The following SPTSSB variants were observed in gnomAD, a reference collection of about 807,000 sequenced individuals.
SPTSSB encodes serine palmitoyltransferase small subunit B.
A neutral mutation model predicts 7.7 loss-of-function variants in SPTSSB; 6 were observed. That is an observed-to-expected ratio of 0.78 (90% confidence interval 0.43 to 1.54). The LOEUF (loss-of-function observed/expected upper bound fraction) is 1.54. SPTSSB is among the 40% of genes most tolerant of loss of function. The pLI is 0.01. For missense variants in SPTSSB, 91 were observed against 93.0 expected (o/e 0.98, Z 0.09); for synonymous variants, 28 against 29.7 (o/e 0.94, Z 0.19).
At position 161,358,726 on chromosome 3, in the gene SPTSSB, G is replaced by T. The variant is rs114377713; in HGVS notation, c.-33+1076C>A. 7.0e-3 allele frequency among the ~76,000 whole-genome samples: 1,071 copies of T among 152,264 alleles called. 8 individuals carry two copies. Among genetic ancestry groups the T allele is most frequent in the African/African-American group, 0.025 (1,021 of 41,540 alleles). ...TTCAGAATGTTTATTCAATTTTGGT[G>T]TGGCTGTCATAAAGCAGACAAACAG... On this transcript the variant is annotated intron_variant, in intron 2 of 2. Transcript: ENST00000620149.
chr3:161,347,300 T>C (rs1714293262), intron 2 of SPTSSB, among the ~76,000 whole-genome samples: 1 of 152,116 alleles, frequency 6.6e-6, no homozygotes, highest in South Asian at 2.1e-4. Context: ...CTCTGCTGCT[T>C]AGGCTAGAAT....
intron 2 of SPTSSB, among the ~76,000 whole-genome samples, chr3:161,356,321 C>T (rs1714767744): frequency 2.0e-5 from 3 of 152,168 alleles, no homozygotes; most frequent in African/African-American, 7.2e-5. Flanking sequence ...AGCTAGAAGC[C>T]TGACCATGAA....
intron 1 of SPTSSB, among the ~76,000 whole-genome samples, chr3:161,369,336 C>CTTTT (rs1169193489): frequency 1.9e-5 from 1 of 53,638 alleles, no homozygotes; most frequent in Non-Finnish European, 3.6e-5. Context: ...TTCTTTCTTT[C>CTTTT]TTTCTTTCTT....
intron 2 of SPTSSB, among the ~76,000 whole-genome samples, chr3:161,358,904 A>G (rs1714894814): frequency 6.6e-6 from 1 of 152,256 alleles, no homozygotes. Context: ...ATATTTTGAA[A>G]TGAAGAAATT....
chr3:161,350,127 A>G (rs943736852), intron 2 of SPTSSB, among the ~76,000 whole-genome samples: 2 of 152,184 alleles, frequency 1.3e-5, no homozygotes, highest in African/African-American at 2.4e-5. Context: ...AGCTTGCAAG[A>G]AAAGTATTGG....
intron 1 of SPTSSB, among the ~76,000 whole-genome samples, chr3:161,366,642 A>C (rs2108168971): frequency 6.6e-6 from 1 of 152,200 alleles, no homozygotes; most frequent in African/African-American, 2.4e-5. Context: ...GTTTCTTCAG[A>C]GCCCTTATCT....
At chr3:161,365,925 G>A (rs2108168422) in intron 1 of SPTSSB, among the ~76,000 whole-genome samples, 1 of 152,254 alleles carries the variant, frequency 6.6e-6, no homozygotes, top group South Asian at 2.1e-4. Flanking sequence ...TGGTAAAGTG[G>A]AGACTGGTTG....
chr3:161,358,129 C>G (rs1714858316), intron 2 of SPTSSB, among the ~76,000 whole-genome samples: 1 of 148,970 alleles, frequency 6.7e-6, no homozygotes, highest in Admixed American at 6.8e-5. Context: ...ATCCTCCTCA[C>G]TTCAGCTTCC....
chr3:161,348,344 T>C (rs1051838267), intron 2 of SPTSSB, among the ~76,000 whole-genome samples: 3 of 152,170 alleles, frequency 2.0e-5, no homozygotes, highest in Admixed American at 6.5e-5. Flanking sequence ...TTCCCGGCTA[T>C]TGCTTTCTCT....
Position 161,369,300 on chromosome 3 carries a change from T to TTCTTTCTTTC in SPTSSB, c.-126+2125_-126+2134dup, listed in dbSNP as rs1373827272. ...TTCTTTCTTTCTTTTCTTTCTTTCTTTCTTTCTTTCTTTCTCTTTCTTTCT... is the reference window on the plus strand; with the variant it reads ...TTCTTTCTTTCTTTTCTTTCTTTCTTTCTTTCTTTCTCTTTCTTTCTTTCTCTTTCTTTCT... On this transcript the variant is annotated intron_variant, in intron 1 of 2. Coordinates refer to ENST00000620149, the MANE Select transcript of SPTSSB (RefSeq NM_001040100.2). Among the ~76,000 whole-genome samples, 165 of 64,736 alleles carry TTCTTTCTTTC rather than the reference T, an allele frequency of 2.5e-3. 1 individual carries two copies. The highest frequency in any genetic ancestry group is 0.013 in the African/African-American group (155 of 11,730). 42.5% of individuals were successfully genotyped at this position (64,736 alleles called of 152,430 possible).
intron 2 of SPTSSB, among the ~76,000 whole-genome samples, chr3:161,354,897 A>G (rs1020334842): frequency 2.0e-5 from 3 of 152,250 alleles, no homozygotes; most frequent in Non-Finnish European, 2.9e-5. Context: ...TCATGATAAT[A>G]TAGAAAATAC....
intron 1 of SPTSSB, among the ~76,000 whole-genome samples, chr3:161,365,913 T>C (rs1421375592): frequency 2.0e-5 from 3 of 152,294 alleles, no homozygotes; most frequent in Non-Finnish European, 4.4e-5. Flanking sequence ...TCTGGGACAA[T>C]CTGGTAAAGT....
At chr3:161,359,008 T>G (rs1714899156) in intron 2 of SPTSSB, among the ~76,000 whole-genome samples, 1 of 152,162 alleles carries the variant, frequency 6.6e-6, no homozygotes, top group Non-Finnish European at 1.5e-5. Flanking sequence ...AATCTATTTG[T>G]TTTTGTCCAC....
At chr3:161,360,355 T>A (rs2108164376) in intron 1 of SPTSSB, among the ~76,000 whole-genome samples, 1 of 152,318 alleles carries the variant, frequency 6.6e-6, no homozygotes, top group Non-Finnish European at 1.5e-5. Context: ...CTATAAAAAA[T>A]TTGTCTTTAA....
intron 1 of SPTSSB, among the ~76,000 whole-genome samples, chr3:161,362,277 A>T (rs891456261): frequency 9.2e-5 from 14 of 152,140 alleles, no homozygotes; most frequent in African/African-American, 3.4e-4. Context: ...TTAGAAAAAG[A>T]TCAAACACAT....
intron 2 of SPTSSB, among the ~76,000 whole-genome samples, chr3:161,349,914 C>T (rs1714444589): frequency 1.3e-5 from 2 of 151,988 alleles, no homozygotes; most frequent in Admixed American, 6.6e-5. Context: ...GATTTGTGTG[C>T]GGTGGAGAAG....
intron 2 of SPTSSB, among the ~76,000 whole-genome samples, chr3:161,354,508 AT>A (rs569883282): frequency 0.016 from 2,507 of 152,248 alleles, 33 homozygotes; most frequent in Non-Finnish European, 0.022. Flanking sequence ...TGCCCAGCTA[AT>A]TTTTAAAAAA....
In SPTSSB at chr3:161,371,492, C is replaced by A. The variant is rs1235569156; in HGVS notation, c.-183G>T. The A allele has an allele frequency of 1.0e-6, 1 of 985,440 alleles. No individual in the cohort carries two copies. The highest frequency in any genetic ancestry group is 1.2e-6 in the Non-Finnish European group (1 of 830,032). The allele number at this position is 985,440 out of a possible 1,614,324, so 61.0% of individuals were successfully genotyped here. On this transcript the variant is annotated 5_prime_UTR_variant, in exon 1 of 3. Coordinates refer to ENST00000620149, the MANE Select transcript of SPTSSB (RefSeq NM_001040100.2). ...GTGAGCGCCGAGGCTTTGGCTCCTC[C>A]CCAGCTGCTGCGAGCTTCCCACTGC... is the stretch of plus-strand genomic sequence containing the variant.
intron 2 of SPTSSB, among the ~76,000 whole-genome samples, chr3:161,357,620 T>C (rs1442583439): frequency 1.3e-5 from 2 of 152,236 alleles, no homozygotes; most frequent in African/African-American, 4.8e-5. Context: ...ATGACCTTTT[T>C]GGAAGAAGAG....
Sources: allele counts gnomAD v4.1 joint callset (sites outside exome capture counted in the v4.1 genomes callset), GRCh38; gene constraint gnomAD v4.1.1; transcripts MANE v1.5; gene names NCBI Gene and HGNC (gene_info 2026-07-23, HGNC 2026-07-21).